UBE2L3: variants seen among roughly 807,000 people sequenced by gnomAD.
UBE2L3 encodes ubiquitin-conjugating enzyme E2 L3.
A neutral mutation model predicts 17.8 loss-of-function variants in UBE2L3; 1 was observed. That is an observed-to-expected ratio of 0.06 (90% CI 0.02 to 0.27). The LOEUF is 0.27. Ranked by LOEUF, UBE2L3 falls within the 10% of genes least tolerant of loss-of-function variation. The probability of loss-of-function intolerance (pLI) is 1.00; values close to 1 mark genes in which losing one functional copy is unlikely to be tolerated. For missense variants in UBE2L3, 40 were observed against 192.6 expected (o/e 0.21, Z 4.69); for synonymous variants, 44 against 68.5 (o/e 0.64, Z 1.76).
At chr22:21,612,389 G>A (rs1251069525) in intron 3 of UBE2L3, among the ~76,000 whole-genome samples, 2 of 151,282 alleles carry the variant, frequency 1.3e-5, no homozygotes, top group East Asian at 2.0e-4. Context: ...GCAGTGGCGC[G>A]ATCTCTGCTC....
At chr22:21,597,078 A>C (rs554654769) in intron 2 of UBE2L3, among the ~76,000 whole-genome samples, 1 of 152,064 alleles carries the variant, frequency 6.6e-6, no homozygotes, top group East Asian at 1.9e-4. Flanking sequence ...TCCCGGGTTC[A>C]AGTGATTCTC....
At chr22:21,596,015 A>C (rs1457313816) in intron 2 of UBE2L3, among the ~76,000 whole-genome samples, 1 of 151,754 alleles carries the variant, frequency 6.6e-6, no homozygotes, top group Non-Finnish European at 1.5e-5. Context: ...ACAGGTGCGC[A>C]CCACCACACC....
At chr22:21,573,649 G>A (rs531340680) in intron 1 of UBE2L3, among the ~76,000 whole-genome samples, 1 of 152,252 alleles carries the variant, frequency 6.6e-6, no homozygotes, top group South Asian at 2.1e-4. Context: ...TGAAGAAGAC[G>A]GACTGGGTGG....
At chr22:21,569,395 C>CAA (rs541227444) in intron 1 of UBE2L3, among the ~76,000 whole-genome samples, 2,401 of 86,032 alleles carry the variant, frequency 0.028, 48 homozygotes, top group Non-Finnish European at 0.039. Flanking sequence ...GACTCCATGT[C>CAA]AAAAAAAAAA....
chr22:21,605,717 G>C (rs902644925), intron 2 of UBE2L3, among the ~76,000 whole-genome samples: 1 of 152,170 alleles, frequency 6.6e-6, no homozygotes, highest in African/African-American at 2.4e-5. Flanking sequence ...TGTTGGCCAG[G>C]CTTGTCTCAA....
At chr22:21,566,188 G>T (rs1454082709), upstream of UBE2L3, among the ~76,000 whole-genome samples, 1 of 151,826 alleles carries the variant, frequency 6.6e-6, no homozygotes, top group Non-Finnish European at 1.5e-5. Flanking sequence ...GGTCAGGGTG[G>T]TCTCAAACTC....
chr22:21,565,794 T>G (rs1211105218), upstream of UBE2L3, among the ~76,000 whole-genome samples: 1 of 90,096 alleles, frequency 1.1e-5, no homozygotes, highest in East Asian at 4.3e-4. Context: ...AGAGAAAAAC[T>G]CCTTAAGAAG....
chr22:21,565,754 CAAAAAAAAAA>C (rs131662), upstream of UBE2L3, among the ~76,000 whole-genome samples: 48 of 30,284 alleles, frequency 1.6e-3, no homozygotes, highest in Admixed American at 1.3e-3. Context: ...AACTGTGTCT[CAAAAAAAAAA>C]AAAAAAAAAA....
At chr22:21,567,173 T>A (rs1926667578), upstream of UBE2L3, among the ~76,000 whole-genome samples, 1 of 152,050 alleles carries the variant, frequency 6.6e-6, no homozygotes, top group South Asian at 2.1e-4. Flanking sequence ...AACTTTTTTT[T>A]TTTCCCCCAA....
upstream of UBE2L3, among the ~76,000 whole-genome samples, chr22:21,564,297 GT>G (rs1377041408): frequency 7.2e-5 from 11 of 152,254 alleles, no homozygotes; most frequent in Non-Finnish European, 1.5e-4. Flanking sequence ...GCCTCCCCAA[GT>G]GCTAGGATTA....
chr22:21,597,694 A>T (rs1462236126), intron 2 of UBE2L3, among the ~76,000 whole-genome samples: 1 of 149,884 alleles, frequency 6.7e-6, no homozygotes, highest in Non-Finnish European at 1.5e-5. Flanking sequence ...ATCCAAGGTC[A>T]TGCAAATTTT....
chr22:21,576,513 T>C (rs1427770138), intron 1 of UBE2L3, among the ~76,000 whole-genome samples: 1 of 152,012 alleles, frequency 6.6e-6, no homozygotes, highest in Non-Finnish European at 1.5e-5. Flanking sequence ...TTAGTCAGGA[T>C]GGTCTCGATC....
chr22:21,578,958 G>A (rs994760192), intron 1 of UBE2L3, among the ~76,000 whole-genome samples: 1 of 147,594 alleles, frequency 6.8e-6, no homozygotes, highest in East Asian at 2.0e-4. Context: ...TCATAGCTAA[G>A]TGTATTATTT....
chr22:21,566,004 A>C (rs866945393), upstream of UBE2L3, among the ~76,000 whole-genome samples: 8 of 129,420 alleles, frequency 6.2e-5, no homozygotes, highest in Admixed American at 1.8e-4. Context: ...ATGGAGTCTC[A>C]CTCTGTCGCC....
intron 1 of UBE2L3, among the ~76,000 whole-genome samples, chr22:21,590,589 G>A (rs566694321): frequency 3.9e-5 from 6 of 152,344 alleles, no homozygotes; most frequent in Admixed American, 3.9e-4. Flanking sequence ...TCCCATAAAT[G>A]TTAGATATCT....
chr22:21,593,524 A>C (rs1218959266), intron 2 of UBE2L3, among the ~76,000 whole-genome samples: 6 of 150,878 alleles, frequency 4.0e-5, no homozygotes, highest in Non-Finnish European at 8.9e-5. Context: ...CCCCCATCTC[A>C]CAGTCTTCTG....
chr22:21,557,898 C>T (rs1926294324), intron 1 of UBE2L3, among the ~76,000 whole-genome samples: 1 of 151,896 alleles, frequency 6.6e-6, no homozygotes. Flanking sequence ...CTCCTTGAAA[C>T]AAGTTTGAGA....
rs568920788 is a variant in UBE2L3 at position 21,619,187 on chromosome 22, G to A, written c.311-2328G>A. ...TCTCACACCGAGGGTGGTGTGCACT[G>A]AAATACACTGTGGCCAGTCAGCCAA... On this transcript the variant is annotated intron_variant, in intron 3 of 3. Transcript: ENST00000342192. Among the ~76,000 whole-genome samples, 6 of 152,316 alleles carry A rather than the reference G, an allele frequency of 3.9e-5. No individual in the cohort carries two copies. In the South Asian group the frequency reaches 1.2e-3, roughly 32 times the overall value.
chr22:21,561,846 C>T (rs1926443350), intron 1 of UBE2L3, among the ~76,000 whole-genome samples: 1 of 152,160 alleles, frequency 6.6e-6, no homozygotes, highest in Non-Finnish European at 1.5e-5. Flanking sequence ...TAGATGAGGT[C>T]CAATTCCTGG....
Sources: allele counts gnomAD v4.1 joint callset (sites outside exome capture counted in the v4.1 genomes callset), GRCh38; gene constraint gnomAD v4.1.1; transcripts MANE v1.5; gene names NCBI Gene and HGNC (gene_info 2026-07-23, HGNC 2026-07-21).